CYTH3: variants seen among roughly 807,000 people sequenced by gnomAD.
CYTH3 encodes cytohesin 3, also known as cytohesin-3.
A neutral mutation model predicts 55.1 loss-of-function variants in CYTH3; 23 were observed. The observed-to-expected ratio is 0.42, with a 90% CI of 0.30 to 0.59. The LOEUF is 0.59. CYTH3 is among the 20% of genes least tolerant of loss of function. The pLI is 0.20. For missense variants in CYTH3, 413 were observed against 524.8 expected, an observed-to-expected ratio of 0.79 and a Z score of 2.08; for synonymous variants, 249 against 194.9, an observed-to-expected ratio of 1.28 and a Z score of -2.31.
chr7:6,176,512 C>G (rs909052073), intron 5 of CYTH3, among the ~76,000 whole-genome samples: 1 of 152,052 alleles, frequency 6.6e-6, no homozygotes, highest in African/African-American at 2.4e-5. Context: ...CTGCCCACCT[C>G]GGCCTCCCAA....
At chr7:6,223,250 G>A (rs527874795) in intron 1 of CYTH3, among the ~76,000 whole-genome samples, 6 of 151,826 alleles carry the variant, frequency 4.0e-5, no homozygotes, top group African/African-American at 7.2e-5. Context: ...ACTGAGGAGC[G>A]CCTGTGCCAG....
intron 1 of CYTH3, among the ~76,000 whole-genome samples, chr7:6,264,967 A>G (rs537841789): frequency 2.8e-3 from 423 of 152,316 alleles, no homozygotes; most frequent in African/African-American, 9.7e-3. Context: ...TTGGTCAAGG[A>G]AGACTTCTGT....
At chr7:6,235,633 C>T (rs902580691) in intron 1 of CYTH3, among the ~76,000 whole-genome samples, 1 of 152,108 alleles carries the variant, frequency 6.6e-6, no homozygotes, top group Admixed American at 6.6e-5. Context: ...TTCTTATACA[C>T]GGGAGTCGTT....
chr7:6,223,052 G>A (rs1281911988), intron 1 of CYTH3, among the ~76,000 whole-genome samples: 2 of 152,246 alleles, frequency 1.3e-5, no homozygotes, highest in Admixed American at 1.3e-4. Context: ...GAATAAGGAT[G>A]CTTCACTTCT....
At chr7:6,210,020 A>T (rs991719035) in intron 1 of CYTH3, among the ~76,000 whole-genome samples, 1 of 152,174 alleles carries the variant, frequency 6.6e-6, no homozygotes, top group Non-Finnish European at 1.5e-5. Flanking sequence ...CTTCTGTATG[A>T]TACGGTAATG....
In CYTH3 at chr7:6,272,018, G is replaced by C. The variant is rs564945475; in HGVS notation, c.34+456C>G. 4.0e-3 allele frequency among the ~76,000 whole-genome samples: 615 copies of C among 152,282 alleles called. 3 individuals are homozygous for C. Among genetic ancestry groups the C allele is most frequent in the Middle Eastern group, 0.017 (5 of 294 alleles). On this transcript the variant is annotated intron_variant, in intron 1 of 12. Coordinates refer to ENST00000350796, the MANE Select transcript of CYTH3 (RefSeq NM_004227.4). Reference sequence around the variant, plus strand: ...GTCCTGTACACTCGAGGAGCCTCCAGTGCAAAACTTTCCCCTCCCGGTTTC... The same window carrying C: ...GTCCTGTACACTCGAGGAGCCTCCACTGCAAAACTTTCCCCTCCCGGTTTC...
At chr7:6,256,219 C>G (rs1368275304) in intron 1 of CYTH3, among the ~76,000 whole-genome samples, 2 of 152,226 alleles carry the variant, frequency 1.3e-5, no homozygotes, top group Non-Finnish European at 2.9e-5. Context: ...AAACCGCCTA[C>G]AGCAAGTCCT....
intron 1 of CYTH3, among the ~76,000 whole-genome samples, chr7:6,260,603 C>T (rs1486473825): frequency 6.6e-6 from 1 of 152,182 alleles, no homozygotes; most frequent in Admixed American, 6.5e-5. Context: ...TTTAACATCA[C>T]CAAGTCCAGT....
At chr7:6,179,852 GACACACCACACACACCCAC>G (rs1220836081) in intron 4 of CYTH3, among the ~76,000 whole-genome samples, 27 of 50,398 alleles carry the variant, frequency 5.4e-4, no homozygotes, top group African/African-American at 9.2e-4. Flanking sequence ...CCACACCACA[GACACACCACACACACCCAC>G]ACACACCACA....
intron 1 of CYTH3, among the ~76,000 whole-genome samples, chr7:6,221,307 A>C (rs1784545924): frequency 6.6e-6 from 1 of 152,212 alleles, no homozygotes; most frequent in Non-Finnish European, 1.5e-5. Flanking sequence ...ACCCAGAAAC[A>C]ACCCCAGTCT....
chr7:6,193,575 G>A (rs1408452649), intron 1 of CYTH3, among the ~76,000 whole-genome samples: 2 of 152,188 alleles, frequency 1.3e-5, no homozygotes, highest in Non-Finnish European at 2.9e-5. Context: ...CCACAGTGGC[G>A]TAGACCAAGT....
intron 1 of CYTH3, among the ~76,000 whole-genome samples, chr7:6,268,985 G>A (rs1780580629): frequency 6.6e-6 from 1 of 152,172 alleles, no homozygotes; most frequent in Admixed American, 6.5e-5. Flanking sequence ...TAGGACCAAG[G>A]GGCAGGAGCT....
At chr7:6,183,264 C>A (rs950811533) in intron 4 of CYTH3, among the ~76,000 whole-genome samples, 2 of 152,234 alleles carry the variant, frequency 1.3e-5, no homozygotes, top group African/African-American at 4.8e-5. Flanking sequence ...TTGCCGCCCC[C>A]GGCAGTTCTT....
At chr7:6,228,816 C>T (rs1779314775) in intron 1 of CYTH3, among the ~76,000 whole-genome samples, 2 of 152,192 alleles carry the variant, frequency 1.3e-5, no homozygotes, top group Non-Finnish European at 2.9e-5. Flanking sequence ...TTCTTCCTTC[C>T]ACTTAATCTT....
At chr7:6,265,318 G>GAA (rs139859484) in intron 1 of CYTH3, among the ~76,000 whole-genome samples, 2 of 151,440 alleles carry the variant, frequency 1.3e-5, no homozygotes, top group African/African-American at 4.9e-5. Flanking sequence ...GCCCTTTTAT[G>GAA]AAAAAAAAGC....
chr7:6,169,401 T>TG lies in CYTH3; in HGVS notation c.823+1133dup, dbSNP rs1289038316. Among the ~76,000 whole-genome samples, 1 of 152,066 alleles carries TG rather than the reference T, an allele frequency of 6.6e-6. No individual in the cohort carries two copies. The highest frequency in any genetic ancestry group is 1.9e-4 in the East Asian group (1 of 5,188). On this transcript the variant is annotated intron_variant, in intron 9 of 12. Coordinates refer to ENST00000350796, the MANE Select transcript of CYTH3 (RefSeq NM_004227.4). This position sits in a 1 kb window ranked among gnomAD's most constrained non-coding sequence, Gnocchi z 4.1. ...ACGCCAGGCTAATTTTTTGTAAAGA[T>TG]GGGGTTTCACTATATTGCCCAGGTG...
intron 1 of CYTH3, among the ~76,000 whole-genome samples, chr7:6,262,250 AGAT>A (rs1243070735): frequency 1.3e-5 from 2 of 152,224 alleles, no homozygotes; most frequent in African/African-American, 4.8e-5. Context: ...TCCTGGAAGG[AGAT>A]GAGACAGGAA....
intron 2 of CYTH3, among the ~76,000 whole-genome samples, chr7:6,188,325 T>C (rs989300452): frequency 1.3e-5 from 2 of 151,488 alleles, no homozygotes; most frequent in Non-Finnish European, 2.9e-5. Flanking sequence ...AGAGCAAGAC[T>C]TGGTCTCTTT....
intron 2 of CYTH3, among the ~76,000 whole-genome samples, chr7:6,189,429 C>G (rs1783741346): frequency 6.6e-6 from 1 of 152,112 alleles, no homozygotes; most frequent in Non-Finnish European, 1.5e-5. Context: ...CCACCTCAGC[C>G]TCCCGAGTAT....
Sources: allele counts gnomAD v4.1 joint callset (sites outside exome capture counted in the v4.1 genomes callset), GRCh38; gene constraint gnomAD v4.1.1; non-coding constraint Gnocchi (gnomAD v3.1); transcripts MANE v1.5; gene names NCBI Gene and HGNC (gene_info 2026-07-23, HGNC 2026-07-21).